The following APC2 variants were observed in gnomAD, a reference collection of about 807,000 sequenced individuals.
APC2 encodes adenomatous polyposis coli protein 2.
Under a neutral mutation model 72.5 loss-of-function variants are expected in APC2, and 41 were observed. The observed-to-expected ratio is 0.57, with a 90% CI of 0.44 to 0.73. APC2 has a LOEUF of 0.73. Ranked by LOEUF, APC2 falls within the 30% of genes least tolerant of loss-of-function variation. The pLI is 0.00. For synonymous variants in APC2, 1,898 were observed against 1,612.0 expected (o/e 1.18, Z -4.25); for missense variants, 3,729 against 3,403.4 (o/e 1.10, Z -2.38).
At chr19:1,446,463 T>G (rs1393842431), upstream of APC2, 2 of 751,120 alleles carry the variant, frequency 2.7e-6, no homozygotes, top group African/African-American at 1.9e-5. This position sits in a 1 kb window ranked among gnomAD's most constrained non-coding sequence, Gnocchi z 6.1. Context: ...GCGCGGAGGC[T>G]GCAGAGTCGG....
rs923953881 is a variant in APC2 at position 1,468,174 on chromosome 19, G to A, written c.4873G>A (p.Ala1625Thr). 9.1e-5 allele frequency: 132 copies of A among 1,452,416 alleles called. No homozygotes were observed. In the African/African-American group the frequency reaches 1.8e-3, roughly 19 times the overall value. The allele number at this position is 1,452,416 out of a possible 1,614,324, so 90.0% of individuals were successfully genotyped here. A position where few individuals can be genotyped will look rare whatever the true frequency, so the allele number is the denominator to read the frequency against. ...GRDSSPSPRAAEELLQRCISS... is the reference protein window; with the variant it reads ...GRDSSPSPRATEELLQRCISS... ...CGACAGCTCGCCCAGCCCGCGGGCCGCGGAGGAGCTTCTGCAGCGGTGCAT... is the reference window on the plus strand; with the variant it reads ...CGACAGCTCGCCCAGCCCGCGGGCCACGGAGGAGCTTCTGCAGCGGTGCAT... The change falls in exon 15 of 15, where the codon GCG (alanine) becomes ACG (threonine). Residue 1625 changes from alanine (A) to threonine (T), a missense_variant. Ala to Thr is a moderately conservative substitution (Grantham distance 58, BLOSUM62 0). Coordinates refer to ENST00000590469, the MANE Select transcript of APC2 (RefSeq NM_005883.3).
Position 1,468,776 on chromosome 19 carries a change from G to T in APC2, c.5475G>T (p.Gln1825His), listed in dbSNP as rs772415509. 2.7e-6 allele frequency: 4 copies of T among 1,508,796 alleles called. No homozygotes were observed. The highest frequency in any genetic ancestry group is 1.4e-5 in the African/African-American group (1 of 71,632). The allele number at this position is 1,508,796 out of a possible 1,614,324, so 93.5% of individuals were successfully genotyped here. ...AGGTGGCGCCCCCTTGCCTGGCACAGCCCGCGGCTCCAGCCAAAGTCCCGA... is the reference window on the plus strand; with the variant it reads ...AGGTGGCGCCCCCTTGCCTGGCACATCCCGCGGCTCCAGCCAAAGTCCCGA... Reference protein sequence around the residue: ...PRKVAPPCLAQPAAPAKVPSP... With the variant: ...PRKVAPPCLAHPAAPAKVPSP... Residue 1825 changes from glutamine to histidine, a missense_variant, in exon 15 of 15, where the codon CAG (glutamine) becomes CAT (histidine). Gln to His is a conservative substitution (Grantham distance 24, BLOSUM62 0). Transcript: ENST00000590469.
rs1360417682 is a variant in APC2, at chr19:1,457,899, A to C, written c.1208-66A>C. 2.4e-3 allele frequency: 1,884 copies of C among 793,214 alleles called. 9 individuals carry two copies. The highest frequency in any genetic ancestry group is 0.012 in the African/African-American group (306 of 24,850). The allele number at this position is 793,214 out of a possible 1,614,324, so 49.1% of individuals were successfully genotyped here. A position where few individuals can be genotyped will look rare whatever the true frequency, so the allele number is the denominator to read the frequency against. ...AGGCCTGGGGCGGGCGGGTTGCGGGACCTTCGGGAGTCACCTGGGACATTT... is the reference window on the plus strand; with the variant it reads ...AGGCCTGGGGCGGGCGGGTTGCGGGCCCTTCGGGAGTCACCTGGGACATTT... On this transcript the variant is annotated intron_variant, in intron 9 of 14. Transcript: ENST00000590469.
Position 1,470,099 on chromosome 19 carries a change from C to G in APC2, c.6798C>G (p.Arg2266=), listed in dbSNP as rs955698618. ...FPASRHGSPS[R]SARVPPFNYV... is the part of the protein sequence containing the mutation. ...CCAGCCGGCACGGCTCCCCCAGCCG[C>G]TCGGCCCGAGTACCCCCCTTCAACT... Residue 2266 remains arginine, a synonymous_variant, in exon 15 of 15, where the codon CGC becomes CGG. Transcript: ENST00000590469. 6.2e-7 allele frequency: 1 copy of G among 1,605,122 alleles called. No homozygotes were observed. The highest frequency in any genetic ancestry group is 2.2e-5 in the East Asian group (1 of 44,654).
chr19:1,465,428 G>A lies in APC2; in HGVS notation c.2127G>A (p.Val709=). The A allele has an allele frequency of 6.5e-7, 1 of 1,544,310 alleles. No homozygotes were observed. The highest frequency in any genetic ancestry group is 1.4e-5 in the African/African-American group (1 of 73,276). ...AGCACCAGGCGGCCGCCACCGCCGT[G>A]TCCCCAGGCAGCTGCGTGCCCAGCC... ...PAKHQAAATA[V]SPGSCVPSLY... Residue 709 remains valine (V), a synonymous_variant, in exon 15 of 15, where the codon GTG becomes GTA. Transcript: ENST00000590469.
At position 1,468,377 on chromosome 19, in the gene APC2, C is replaced by T. The variant is rs752109167; in HGVS notation, c.5076C>T (p.Gly1692=). ...TGGAGTGGCGCGCCATCCAGGAGGG[C>T]GCCAATTCAATTGTCACGTGGCTGC... The part of the protein sequence containing the change: ...DSVEWRAIQE[G]ANSIVTWLHQ... The change falls in exon 15 of 15, where the codon GGC becomes GGT. Residue 1692 remains glycine (G), a synonymous_variant. Coordinates refer to ENST00000590469, the MANE Select transcript of APC2 (RefSeq NM_005883.3). The T allele has an allele frequency of 3.2e-6, 5 of 1,577,486 alleles. No homozygotes were observed. The highest frequency in any genetic ancestry group is 2.3e-5 in the East Asian group (1 of 43,148).
upstream of APC2, chr19:1,446,408 C>G: frequency 1.0e-6 from 1 of 976,694 alleles, no homozygotes; most frequent in East Asian, 1.1e-4. The surrounding 1 kb of genome is among the most constrained non-coding windows in gnomAD (Gnocchi z 6.1). Context: ...GGGGTCCACA[C>G]CGCGGGAACA....
intron 8 of APC2, among the ~76,000 whole-genome samples, 191 bp downstream of exon 8, chr19:1,456,595 C>T (rs920199236): frequency 2.6e-5 from 4 of 152,128 alleles, no homozygotes; most frequent in African/African-American, 4.8e-5. Flanking sequence ...AAATACGTCC[C>T]GTAGCGGGGG....
rs754757767 is a variant in APC2, at chr19:1,460,809, G to A, written c.1473G>A (p.Met491Ile). The A allele has an allele frequency of 2.5e-6, 4 of 1,613,216 alleles. No individual in the cohort carries two copies. In the South Asian group the frequency reaches 4.4e-5, roughly 18 times the overall value. ...KATLCARRGC[M>I]EAIVAQLASD... ...CCCTGTGTGCGCGCCGCGGCTGCAT[G>A]GAGGCCATCGTGGCCCAGCTGGCCT... Residue 491 changes from methionine (M) to isoleucine (I), a missense_variant, in exon 12 of 15, where the codon ATG (methionine) becomes ATA (isoleucine). By Grantham distance (10) the Met-to-Ile change is conservative (BLOSUM62 1). Transcript: ENST00000590469.
At chr19:1,464,051 G>A (rs2083967656) in intron 14 of APC2, among the ~76,000 whole-genome samples, 1 of 152,002 alleles carries the variant, frequency 6.6e-6, no homozygotes, top group East Asian at 1.9e-4. Context: ...GTGGACGCCT[G>A]TAATCCCAGC....
At position 1,457,813 on chromosome 19, in the gene APC2, A is replaced by G. The variant is rs920541671; in HGVS notation, c.1208-152A>G. ...AGAGGCCACCCCATCATCCCATCTT[A>G]GAGAGGCTGGGAAAGGAAGTCCCAA... On this transcript the variant is annotated intron_variant, in intron 9 of 14. Transcript: ENST00000590469. 15 of 677,532 alleles carry G rather than the reference A, an allele frequency of 2.2e-5. No homozygotes were observed. In the African/African-American group the frequency reaches 2.8e-4, roughly 13 times the overall value. 42.0% of individuals were successfully genotyped at this position (677,532 alleles called of 1,614,324 possible). A position where few individuals can be genotyped will look rare whatever the true frequency, so the allele number is the denominator to read the frequency against.
Position 1,467,177 on chromosome 19 carries a change from G to C in APC2, c.3876G>C (p.Val1292=). 1 of 1,523,736 alleles carries C rather than the reference G, an allele frequency of 6.6e-7. No individual in the cohort carries two copies. The highest frequency in any genetic ancestry group is 8.8e-7 in the Non-Finnish European group (1 of 1,137,978). The allele number at this position is 1,523,736 out of a possible 1,614,324, so 94.4% of individuals were successfully genotyped here. The part of the protein sequence containing the change: ...ALHEHYVQQD[V]ELRLLPSACP... ...ACGAGCACTACGTGCAGCAGGACGT[G>C]GAGCTGCGGCTGCTGCCCTCGGCCT... The change falls in exon 15 of 15, where the codon GTG becomes GTC. Residue 1292 remains valine (V), a synonymous_variant. Coordinates refer to ENST00000590469, the MANE Select transcript of APC2 (RefSeq NM_005883.3).
chr19:1,453,568 A>G lies in APC2; in HGVS notation c.370A>G (p.Ser124Gly). The change falls in exon 4 of 15, where the codon AGC becomes GGC. Residue 124 changes from serine (S) to glycine (G), a missense_variant. Physicochemically the swap from Ser to Gly is moderately conservative, Grantham distance 56. Coordinates refer to ENST00000590469, the MANE Select transcript of APC2 (RefSeq NM_005883.3). Reference protein sequence around the residue: ...GPSKDSFGELSRATIRLLEEL... With the variant: ...GPSKDSFGELGRATIRLLEEL... ...CTCCAAGGACAGCTTTGGGGAGCTG[A>G]GCCGGGCCACCATCCGGCTGCTGGA... 6.2e-7 allele frequency: 1 copy of G among 1,610,418 alleles called. No individual in the cohort carries two copies. Among genetic ancestry groups the G allele is most frequent in the Non-Finnish European group, 8.5e-7 (1 of 1,179,032 alleles).
At position 1,465,667 on chromosome 19, in the gene APC2, C is replaced by T. The variant is rs2083996965; in HGVS notation, c.2366C>T (p.Ala789Val). ...DDDDAPSSLA[A>V]AAATGEPASP... ...GACGATGCACCGTCATCCCTGGCTG[C>T]GGCCGCGGCCACCGGGGAGCCAGCC... Residue 789 changes from alanine to valine, a missense_variant, in exon 15 of 15, where the codon GCG becomes GTG. Coordinates refer to ENST00000590469, the MANE Select transcript of APC2 (RefSeq NM_005883.3). 2 of 1,598,014 alleles carry T rather than the reference C, an allele frequency of 1.3e-6. No homozygotes were observed. The highest frequency in any genetic ancestry group is 1.1e-5 in the South Asian group (1 of 89,136).
intron 10 of APC2, among the ~76,000 whole-genome samples, chr19:1,459,335 G>A (rs549104286): frequency 2.0e-5 from 3 of 152,098 alleles, no homozygotes; most frequent in Non-Finnish European, 1.5e-5. Context: ...CTCCCAAAGT[G>A]CTGGAGTTGC....
upstream of APC2, chr19:1,446,467 G>T: frequency 1.4e-6 from 1 of 705,920 alleles, no homozygotes; most frequent in Non-Finnish European, 1.7e-6. The surrounding 1 kb of genome is among the most constrained non-coding windows in gnomAD (Gnocchi z 6.1). Flanking sequence ...GGAGGCTGCA[G>T]AGTCGGGGGT....
intron 6 of APC2, among the ~76,000 whole-genome samples, 168 bp from the exon 7 acceptor site, chr19:1,455,908 C>A (rs1207524467): frequency 2.4e-5 from 1 of 42,026 alleles, no homozygotes; most frequent in Non-Finnish European, 4.8e-5. Context: ...GCTTAGGGAG[C>A]TGGCAGGGCT....
rs1238913837 is a variant in APC2, at chr19:1,469,147, C to A, written c.5846C>A (p.Pro1949Gln). ...CCGCCACCGCTGGCTCGGGCAGTCC[C>A]GGAGCCGGGCCCCAGGGGCCGGGCG... ...RGPPPLARAV[P>Q]EPGPRGRAGT... The change falls in exon 15 of 15, where the codon CCG (proline) becomes CAG (glutamine). Residue 1949 changes from proline (P) to glutamine (Q), a missense_variant. Coordinates refer to ENST00000590469, the MANE Select transcript of APC2 (RefSeq NM_005883.3). 1 of 1,289,286 alleles carries A rather than the reference C, an allele frequency of 7.8e-7. No homozygotes were observed. The highest frequency in any genetic ancestry group is 3.1e-5 in the East Asian group (1 of 31,990). 79.9% of individuals were successfully genotyped at this position (1,289,286 alleles called of 1,614,324 possible).
intron 13 of APC2, 31 bp downstream of exon 13, chr19:1,461,184 C>T (rs1282074530): frequency 6.4e-7 from 1 of 1,570,730 alleles, no homozygotes; most frequent in African/African-American, 1.3e-5. Context: ...AGGGATGCTT[C>T]TTCAGTCACT....
Sources: allele counts gnomAD v4.1 joint callset (sites outside exome capture counted in the v4.1 genomes callset), GRCh38; gene constraint gnomAD v4.1.1; non-coding constraint Gnocchi (gnomAD v3.1); transcripts MANE v1.5; gene names NCBI Gene and HGNC (gene_info 2026-07-23, HGNC 2026-07-21).